The following ARHGAP32 variants were observed in gnomAD, a reference collection of about 807,000 sequenced individuals.
The protein encoded by ARHGAP32 is rho GTPase-activating protein 32.
In ARHGAP32, 51 loss-of-function variants were observed where a neutral mutation model predicts 186.5. The ratio of observed to expected loss-of-function variants is 0.27; its 90% CI spans 0.22 to 0.35. The LOEUF is 0.35. Among genes scored for constraint, ARHGAP32 ranks in the 10% least tolerant of loss-of-function variants. The pLI, the probability that ARHGAP32 is intolerant of heterozygous loss-of-function variation, is 1.00. For missense variants in ARHGAP32, 2,186 were observed against 2,623.5 expected (o/e 0.83, Z 3.64); for synonymous variants, 950 against 964.3 (o/e 0.99, Z 0.27).
intron 6 of ARHGAP32, among the ~76,000 whole-genome samples, chr11:129,078,646 C>T (rs1941122327): frequency 6.6e-6 from 1 of 152,076 alleles, no homozygotes; most frequent in African/African-American, 2.4e-5. Context: ...GCATACACCA[C>T]CACGCGTGGC....
chr11:129,231,563 A>T (rs1944859220), intron 1 of ARHGAP32, among the ~76,000 whole-genome samples: 1 of 152,192 alleles, frequency 6.6e-6, no homozygotes, highest in South Asian at 2.1e-4. Context: ...GCTCTCCGAC[A>T]TCTTACAAAA....
At chr11:129,248,236 G>T (rs1320096601) in intron 1 of ARHGAP32, among the ~76,000 whole-genome samples, 1 of 145,132 alleles carries the variant, frequency 6.9e-6, no homozygotes, top group African/African-American at 2.5e-5. Context: ...AAAAAGGAAA[G>T]TGAAAGCTTA....
intron 5 of ARHGAP32, among the ~76,000 whole-genome samples, chr11:129,101,052 A>G (rs957998953): frequency 6.6e-6 from 1 of 152,200 alleles, no homozygotes; most frequent in Non-Finnish European, 1.5e-5. Context: ...TGGATTCCTA[A>G]CCTCAAGGAG....
chr11:128,973,400 C>CG lies in ARHGAP32; in HGVS notation c.3105dup (p.Val1036ArgfsTer28). 6.2e-7 allele frequency: 1 copy of CG among 1,613,532 alleles called. No individual in the cohort carries two copies. Among genetic ancestry groups the CG allele is most frequent in the Non-Finnish European group, 8.5e-7 (1 of 1,179,940 alleles). ...ATAAGAGAGACTGAACTGACAGGAACGGAATCCTGAGGGGGGTCATGGGTA... is the reference window on the plus strand; with the variant it reads ...ATAAGAGAGACTGAACTGACAGGAACGGGAATCCTGAGGGGGGTCATGGGTA... On this transcript the variant is annotated frameshift_variant, in exon 22 of 23. Coordinates refer to ENST00000682385, the MANE Select transcript of ARHGAP32 (RefSeq NM_001378024.1). LOFTEE classifies it high-confidence loss of function.
intron 11 of ARHGAP32, among the ~76,000 whole-genome samples, chr11:129,033,544 C>CTT (rs1715329710): frequency 6.6e-6 from 1 of 152,168 alleles, no homozygotes; most frequent in Non-Finnish European, 1.5e-5. Context: ...AATATCTTCC[C>CTT]ACACTGTAAT....
At chr11:129,079,425 G>A (rs1227600218) in intron 6 of ARHGAP32, among the ~76,000 whole-genome samples, 1 of 152,160 alleles carries the variant, frequency 6.6e-6, no homozygotes, top group Non-Finnish European at 1.5e-5. Context: ...CAAACTAGAA[G>A]GGACTGGAAG....
chr11:129,255,274 C>T lies in ARHGAP32; in HGVS notation c.-5+23872G>A, dbSNP rs559678030. ...CTGATTTACAACAAAGCTGACACTG[C>T]AATGCAATTGAAAAGGATCATCTTT... On this transcript the variant is annotated intron_variant, in intron 1 of 6. Transcript: ENST00000525234. 2.5e-4 allele frequency among the ~76,000 whole-genome samples: 38 copies of T among 152,188 alleles called. 1 individual carries two copies. The South Asian group carries it at 4.8e-3, about 19-fold the overall frequency.
chr11:128,983,685 A>G (rs942345165), intron 15 of ARHGAP32, among the ~76,000 whole-genome samples: 3 of 151,818 alleles, frequency 2.0e-5, no homozygotes, highest in African/African-American at 7.2e-5. Flanking sequence ...CAGGCTCCTC[A>G]GCCAAAAAAA....
chr11:129,181,363 C>A (rs1420720803), intron 1 of ARHGAP32, among the ~76,000 whole-genome samples: 1 of 152,092 alleles, frequency 6.6e-6, no homozygotes, highest in Admixed American at 6.6e-5. Context: ...GAGAGAACAG[C>A]TCTTTGAGAT....
At chr11:129,090,486 T>C (rs1191304374) in intron 6 of ARHGAP32, among the ~76,000 whole-genome samples, 1 of 152,166 alleles carries the variant, frequency 6.6e-6, no homozygotes, top group Non-Finnish European at 1.5e-5. Context: ...CACTCTTAAC[T>C]TGAATAGGAA....
chr11:129,137,633 T>C (rs139721250), intron 2 of ARHGAP32, among the ~76,000 whole-genome samples: 3 of 152,108 alleles, frequency 2.0e-5, no homozygotes, highest in African/African-American at 7.2e-5. Flanking sequence ...CAAATAGTTG[T>C]TAATGTCACT....
intron 19 of ARHGAP32, among the ~76,000 whole-genome samples, chr11:128,977,587 G>T (rs1945582136): frequency 6.6e-6 from 1 of 152,028 alleles, no homozygotes; most frequent in African/African-American, 2.4e-5. Flanking sequence ...ACTTCTCCTT[G>T]AAAACCCATA....
intron 1 of ARHGAP32, among the ~76,000 whole-genome samples, chr11:129,213,202 G>A (rs1170924022): frequency 3.3e-5 from 5 of 152,068 alleles, no homozygotes; most frequent in Admixed American, 1.3e-4. Context: ...AAGATACAGC[G>A]TAATCAAGAG....
chr11:129,215,102 C>T (rs1006811235), intron 1 of ARHGAP32, among the ~76,000 whole-genome samples: 2 of 152,148 alleles, frequency 1.3e-5, no homozygotes, highest in Non-Finnish European at 2.9e-5. Flanking sequence ...TTCTGAGCAG[C>T]CTCCTTCCAT....
rs1490499957 is a variant in ARHGAP32, at chr11:128,972,973, G to A, written c.3533C>T (p.Ala1178Val). The stretch of plus-strand genomic sequence containing the variant: ...GTCTAAGGGAACTGAAGTAATTCTG[G>A]CCTTTTCTGGGTCCCCAGATAAATA... ...QAYLSGDPEK[A>V]RITSVPLDSE... is the part of the protein sequence containing the mutation. The change falls in exon 22 of 23, where the codon GCC becomes GTC. Residue 1178 changes from alanine (A) to valine (V), a missense_variant. This residue lies in a region of ARHGAP32 where 1,502 missense variants were observed against 1,570.0 expected (regional missense o/e 0.96). Coordinates refer to ENST00000682385, the MANE Select transcript of ARHGAP32 (RefSeq NM_001378024.1). 1 of 1,613,850 alleles carries A rather than the reference G, an allele frequency of 6.2e-7. No individual in the cohort carries two copies. Among genetic ancestry groups the A allele is most frequent in the Non-Finnish European group, 8.5e-7 (1 of 1,180,002 alleles).
At chr11:129,059,861 A>AC (rs1940419668) in intron 10 of ARHGAP32, among the ~76,000 whole-genome samples, 1 of 151,792 alleles carries the variant, frequency 6.6e-6, no homozygotes, top group African/African-American at 2.4e-5. Context: ...TTACACGGGC[A>AC]CCCCCCACAT....
intron 21 of ARHGAP32, chr11:128,973,666 G>A: frequency 1.8e-6 from 1 of 566,834 alleles, no homozygotes; most frequent in East Asian, 2.9e-5. Flanking sequence ...AATTGTTACA[G>A]AGATGGGGGG....
At chr11:129,149,816 A>T (rs891421714) in intron 2 of ARHGAP32, among the ~76,000 whole-genome samples, 4 of 152,202 alleles carry the variant, frequency 2.6e-5, no homozygotes, top group African/African-American at 9.7e-5. Context: ...AGAAAAAAAA[A>T]ATATCAGAAG....
intron 10 of ARHGAP32, among the ~76,000 whole-genome samples, chr11:129,041,615 G>A (rs1291222594): frequency 1.3e-5 from 2 of 152,078 alleles, no homozygotes; most frequent in African/African-American, 4.8e-5. Flanking sequence ...TAAGAGAGAA[G>A]AAAACAGCCA....
Sources: gnomAD v4.1 joint callset for allele counts (sites outside exome capture counted in the v4.1 genomes callset) on GRCh38, gnomAD v4.1.1 for gene constraint, gnomAD v4.1.1 regional missense constraint, MANE v1.5 for transcripts, NCBI Gene and HGNC (gene_info 2026-07-23, HGNC 2026-07-21) for gene names.